The following HOOK3 variants were observed in gnomAD, a reference collection of about 807,000 sequenced individuals.
The protein encoded by HOOK3 is hook microtubule tethering protein 3.
A neutral mutation model predicts 116.3 loss-of-function variants in HOOK3; 24 were observed. That is an observed-to-expected ratio of 0.21 (90% CI 0.15 to 0.29). HOOK3 has a LOEUF of 0.29. Among genes scored for constraint, HOOK3 ranks in the 10% least tolerant of loss-of-function variants. The pLI is 1.00. For missense variants in HOOK3, 632 were observed against 830.2 expected (o/e 0.76, Z 2.93); for synonymous variants, 275 against 283.0 (o/e 0.97, Z 0.28).
At chr8:42,959,718 G>GA (rs529721762) in intron 8 of HOOK3, among the ~76,000 whole-genome samples, 4,889 of 28,958 alleles carry the variant, frequency 0.17, 804 homozygotes, top group African/African-American at 0.25. Flanking sequence ...GACTACATCT[G>GA]AAAAAAAAAA....
intron 6 of HOOK3, among the ~76,000 whole-genome samples, chr8:42,954,313 G>A (rs1563300138): frequency 1.3e-5 from 2 of 152,132 alleles, no homozygotes. Flanking sequence ...AACCAGGAAT[G>A]TTTTTTAAAT....
chr8:42,925,705 TG>T, intron 3 of HOOK3, 76 bp downstream of exon 3: 1 of 938,566 alleles, frequency 1.1e-6, no homozygotes, highest in Non-Finnish European at 1.6e-6. Flanking sequence ...TTTTGTCTGA[TG>T]TGTCCAGTGA....
At chr8:42,978,456 G>T (rs1040083808) in intron 13 of HOOK3, among the ~76,000 whole-genome samples, 1 of 150,720 alleles carries the variant, frequency 6.6e-6, no homozygotes, top group South Asian at 2.1e-4. Flanking sequence ...TGTCCCCCAG[G>T]CTGGAGTGCA....
intron 3 of HOOK3, among the ~76,000 whole-genome samples, chr8:42,926,057 CAG>C (rs1054694178): frequency 6.6e-6 from 1 of 152,170 alleles, no homozygotes; most frequent in Non-Finnish European, 1.5e-5. Context: ...CGTAAACACT[CAG>C]AGAATGAAAC....
At chr8:42,998,044 G>C (rs923261779) in intron 16 of HOOK3, 3 of 232,350 alleles carry the variant, frequency 1.3e-5, no homozygotes, top group African/African-American at 7.1e-5. Context: ...CCCTAGTATT[G>C]CATTTTCTCT....
At chr8:42,915,247 G>T (rs372110659) in intron 2 of HOOK3, among the ~76,000 whole-genome samples, 2 of 151,836 alleles carry the variant, frequency 1.3e-5, no homozygotes, top group African/African-American at 4.8e-5. Flanking sequence ...GCATGGTGGC[G>T]CATACTTGTA....
In HOOK3 at chr8:43,019,903, G is replaced by A. The variant is rs1393092272; in HGVS notation, c.*1405G>A. ...GTTTTTTTGTTTATTTTTAGGTTAG[G>A]TCACTTAATATAGGAGGATGTTTTC... is the stretch of plus-strand genomic sequence containing the variant. On this transcript the variant is annotated 3_prime_UTR_variant, in exon 22 of 22. Coordinates refer to ENST00000307602, the MANE Select transcript of HOOK3 (RefSeq NM_032410.4). The A allele has an allele frequency of 4.9e-6, 1 of 202,330 alleles. No homozygotes were observed. The highest frequency in any genetic ancestry group is 1.0e-5 in the Non-Finnish European group (1 of 98,702). The allele number at this position is 202,330 out of a possible 1,614,324, so 12.5% of individuals were successfully genotyped here.
At chr8:42,991,601 C>T (rs1209988605) in intron 15 of HOOK3, among the ~76,000 whole-genome samples, 2 of 152,002 alleles carry the variant, frequency 1.3e-5, no homozygotes, top group East Asian at 3.9e-4. Flanking sequence ...AGGGTTTTGC[C>T]CGGTTGGCTG....
intron 2 of HOOK3, among the ~76,000 whole-genome samples, chr8:42,906,796 C>T (rs1352649847): frequency 2.0e-5 from 3 of 152,144 alleles, no homozygotes; most frequent in African/African-American, 7.2e-5. Flanking sequence ...CCACATGGAG[C>T]CAGGGAATTT....
intron 8 of HOOK3, among the ~76,000 whole-genome samples, chr8:42,959,718 GAAAAAAA>G (rs529721762): frequency 2.1e-4 from 6 of 29,048 alleles, no homozygotes; most frequent in Non-Finnish European, 3.9e-4. Context: ...GACTACATCT[GAAAAAAA>G]AAAAAAAAAA....
At position 42,979,948 on chromosome 8, in the gene HOOK3, T is replaced by G. The variant is rs1467832269; in HGVS notation, c.1322-2679T>G. On this transcript the variant is annotated intron_variant, in intron 13 of 21. Coordinates refer to ENST00000307602, the MANE Select transcript of HOOK3 (RefSeq NM_032410.4). ...TCTAATCATCTCTACATGAGTTTTG[T>G]TTTTTCTTTTTCTTTTCTTTTTTTT... 5.3e-5 allele frequency among the ~76,000 whole-genome samples: 8 copies of G among 151,934 alleles called. No homozygotes were observed. The East Asian group carries it at 1.2e-3, about 22-fold the overall frequency.
chr8:42,966,460 A>T lies in HOOK3; in HGVS notation c.780-13A>T. 6.2e-7 allele frequency: 1 copy of T among 1,613,636 alleles called. No individual in the cohort carries two copies. Among genetic ancestry groups the T allele is most frequent in the South Asian group, 1.1e-5 (1 of 91,048 alleles). Reference sequence around the variant, plus strand: ...AAATAGTGCTTTCTTGGTCTATTTTATATCGGTTACAGACTAGAAGCAGCC... The same window carrying T: ...AAATAGTGCTTTCTTGGTCTATTTTTTATCGGTTACAGACTAGAAGCAGCC... On this transcript the variant is annotated splice_polypyrimidine_tract_variant and intron_variant, in intron 9 of 21. Coordinates refer to ENST00000307602, the MANE Select transcript of HOOK3 (RefSeq NM_032410.4).
intron 2 of HOOK3, among the ~76,000 whole-genome samples, chr8:42,920,293 A>C (rs536631557): frequency 7.8e-4 from 118 of 152,252 alleles, no homozygotes; most frequent in African/African-American, 2.8e-3. Context: ...TGCGACCATT[A>C]ATTAAGGGGT....
At chr8:43,007,419 A>T (rs1809514383) in intron 17 of HOOK3, among the ~76,000 whole-genome samples, 4 of 152,118 alleles carry the variant, frequency 2.6e-5, no homozygotes, top group Admixed American at 2.6e-4. Context: ...TACCGCTTTG[A>T]CTTCCTTTGT....
At position 43,023,657 on chromosome 8, in the gene HOOK3, C is replaced by A; in HGVS notation, c.*5159C>A. On this transcript the variant is annotated 3_prime_UTR_variant, in exon 22 of 22. Transcript: ENST00000307602. ...TACAAAATACAAAGAGACGGGGTTTCACCATGTTGGCCAGGCTGGTCTCTA... is the reference window on the plus strand; with the variant it reads ...TACAAAATACAAAGAGACGGGGTTTAACCATGTTGGCCAGGCTGGTCTCTA... 1 of 176,152 alleles carries A rather than the reference C, an allele frequency of 5.7e-6. No homozygotes were observed. Among genetic ancestry groups the A allele is most frequent in the Non-Finnish European group, 1.2e-5 (1 of 81,836 alleles). The allele number at this position is 176,152 out of a possible 1,614,324, so 10.9% of individuals were successfully genotyped here.
In HOOK3 at chr8:43,005,994, C is replaced by CTATTTATT. The variant is rs541185195; in HGVS notation, c.1656-1827_1656-1820dup. 6.3e-4 allele frequency among the ~76,000 whole-genome samples: 94 copies of CTATTTATT among 148,238 alleles called. 1 individual carries two copies. The highest frequency in any genetic ancestry group is 2.1e-3 in the African/African-American group (84 of 40,194). On this transcript the variant is annotated intron_variant, in intron 17 of 21. Coordinates refer to ENST00000307602, the MANE Select transcript of HOOK3 (RefSeq NM_032410.4). Reference sequence around the variant, plus strand: ...ACAGGTGTGAGCCACCGCACCTGGTCTATTTATTTATTTATTTATTTATTT... The same window carrying CTATTTATT: ...ACAGGTGTGAGCCACCGCACCTGGTCTATTTATTTATTTATTTATTTATTTATTTATTT...
intron 15 of HOOK3, among the ~76,000 whole-genome samples, chr8:42,996,144 G>C (rs570519394): frequency 6.6e-6 from 1 of 152,188 alleles, no homozygotes; most frequent in Non-Finnish European, 1.5e-5. Flanking sequence ...CCAGCACTTT[G>C]GGAGGCCGAG....
At position 42,964,316 on chromosome 8, in the gene HOOK3, A is replaced by G. The variant is rs199816767; in HGVS notation, c.621A>G (p.Ala207=). Residue 207 remains alanine, a synonymous_variant, in exon 9 of 22, where the codon GCA becomes GCG. Transcript: ENST00000307602. ...QRCHELDMQV[A]ALQEEKSSLL... is the part of the protein sequence containing the mutation. Reference sequence around the variant, plus strand: ...GTCGTCCTATATTCCAACAGGTTGCAGCATTGCAGGAAGAGAAAAGTAGTT... The same window carrying G: ...GTCGTCCTATATTCCAACAGGTTGCGGCATTGCAGGAAGAGAAAAGTAGTT... 11 of 1,613,992 alleles carry G rather than the reference A, an allele frequency of 6.8e-6. No homozygotes were observed. Among genetic ancestry groups the G allele is most frequent in the Non-Finnish European group, 9.3e-6 (11 of 1,179,976 alleles).
At chr8:42,921,076 C>T (rs1385630622) in intron 2 of HOOK3, among the ~76,000 whole-genome samples, 2 of 151,952 alleles carry the variant, frequency 1.3e-5, no homozygotes, top group Non-Finnish European at 2.9e-5. Flanking sequence ...TTCTTTTATT[C>T]ATAAGGTGTA....
Sources: gnomAD v4.1 joint callset for allele counts (sites outside exome capture counted in the v4.1 genomes callset) on GRCh38, gnomAD v4.1.1 for gene constraint, MANE v1.5 for transcripts, NCBI Gene and HGNC (gene_info 2026-07-23, HGNC 2026-07-21) for gene names.